ADGRB3: variants seen among roughly 807,000 people sequenced by gnomAD.
The protein encoded by ADGRB3 is adhesion G protein-coupled receptor B3, also known as brain-specific angiogenesis inhibitor 3.
Under a neutral mutation model 193.4 loss-of-function variants are expected in ADGRB3, and 37 were observed. The observed-to-expected ratio is 0.19, with a 90% CI of 0.15 to 0.25. The LOEUF (loss-of-function observed/expected upper bound fraction) is 0.25, where lower values mean the gene tolerates loss of function less well. Ranked by LOEUF, ADGRB3 falls within the 10% of genes least tolerant of loss-of-function variation. The pLI is 1.00. For synonymous variants in ADGRB3, 690 were observed against 644.2 expected (o/e 1.07, Z -1.08); for missense variants, 1,637 against 1,852.9 (o/e 0.88, Z 2.14).
chr6:68,960,796 C>G (rs111303203), intron 8 of ADGRB3, among the ~76,000 whole-genome samples: 7 of 152,174 alleles, frequency 4.6e-5, no homozygotes, highest in South Asian at 2.1e-4. Flanking sequence ...TGAGCCAGAC[C>G]CCACCAGCCA....
At chr6:69,340,978 G>T (rs1461384198) in intron 26 of ADGRB3, among the ~76,000 whole-genome samples, 4 of 152,178 alleles carry the variant, frequency 2.6e-5, no homozygotes, top group Non-Finnish European at 5.9e-5. Flanking sequence ...GCATTCCATG[G>T]TGTATATGTG....
chr6:68,776,289 A>G (rs1766745472), intron 3 of ADGRB3, among the ~76,000 whole-genome samples: 3 of 152,174 alleles, frequency 2.0e-5, no homozygotes, highest in Admixed American at 2.0e-4. Context: ...ATATTAAAAG[A>G]AATCCTTGCA....
intron 17 of ADGRB3, among the ~76,000 whole-genome samples, chr6:69,170,770 G>C (rs1354349743): frequency 2.0e-5 from 3 of 152,150 alleles, no homozygotes; most frequent in Non-Finnish European, 4.4e-5. Flanking sequence ...GATGGCATTG[G>C]AGCAAGAGCT....
At chr6:68,956,271 G>A in intron 7 of ADGRB3, 83 bp downstream of exon 7, 1 of 1,367,888 alleles carries the variant, frequency 7.3e-7, no homozygotes, top group South Asian at 1.5e-5. Flanking sequence ...ATGCCAGAGG[G>A]TCATGAAAGA....
intron 10 of ADGRB3, among the ~76,000 whole-genome samples, chr6:68,986,341 G>T (rs1769071476): frequency 6.6e-6 from 1 of 152,120 alleles, no homozygotes; most frequent in African/African-American, 2.4e-5. Flanking sequence ...ACCATTCTGA[G>T]TTCTATGTGA....
At chr6:69,229,669 A>G (rs1309760105) in intron 17 of ADGRB3, among the ~76,000 whole-genome samples, 1 of 152,170 alleles carries the variant, frequency 6.6e-6, no homozygotes, top group Non-Finnish European at 1.5e-5. Flanking sequence ...CAGTTTTGAA[A>G]TGTGTCACTA....
intron 3 of ADGRB3, among the ~76,000 whole-genome samples, chr6:68,889,603 C>T (rs913206400): frequency 1.3e-5 from 2 of 151,704 alleles, no homozygotes; most frequent in African/African-American, 4.8e-5. Context: ...CCTGGGTTCA[C>T]ACCATTCTCC....
chr6:68,768,817 T>C (rs573889546), intron 3 of ADGRB3, among the ~76,000 whole-genome samples: 1 of 151,484 alleles, frequency 6.6e-6, no homozygotes, highest in African/African-American at 2.4e-5. Context: ...ATGTCCAGAA[T>C]CTACAAGGAA....
intron 11 of ADGRB3, among the ~76,000 whole-genome samples, chr6:69,013,506 A>C (rs746502818): frequency 2.0e-5 from 3 of 152,086 alleles, no homozygotes; most frequent in Non-Finnish European, 4.4e-5. Context: ...AGAAACTTTT[A>C]TTTAATATTT....
chr6:69,017,080 A>G (rs978734382), intron 12 of ADGRB3, among the ~76,000 whole-genome samples: 2 of 151,906 alleles, frequency 1.3e-5, no homozygotes, highest in Non-Finnish European at 2.9e-5. Context: ...TTATCTCCCA[A>G]ATCTTTCTAA....
At chr6:69,142,049 A>G (rs1350142531) in intron 17 of ADGRB3, among the ~76,000 whole-genome samples, 1 of 152,242 alleles carries the variant, frequency 6.6e-6, no homozygotes, top group Non-Finnish European at 1.5e-5. Context: ...AAGATGAGCA[A>G]TCATTAACAA....
intron 17 of ADGRB3, among the ~76,000 whole-genome samples, chr6:69,081,068 CCTTGCCT>C (rs1313011252): frequency 1.3e-5 from 2 of 151,928 alleles, no homozygotes; most frequent in Admixed American, 6.6e-5. Context: ...ACACTTGTAA[CCTTGCCT>C]CAGTAGGTAT....
intron 3 of ADGRB3, among the ~76,000 whole-genome samples, chr6:68,661,873 T>C (rs367827586): frequency 4.0e-5 from 6 of 151,398 alleles, no homozygotes; most frequent in East Asian, 3.9e-4. Flanking sequence ...ATGAGGCTTC[T>C]GCAGTAATCC....
chr6:68,756,482 T>C (rs1242727759), intron 3 of ADGRB3, among the ~76,000 whole-genome samples: 1 of 152,160 alleles, frequency 6.6e-6, no homozygotes, highest in African/African-American at 2.4e-5. Context: ...TAAATCCAAA[T>C]GCATAGTATG....
At chr6:69,375,492 C>T (rs1769797018) in intron 30 of ADGRB3, among the ~76,000 whole-genome samples, 1 of 152,018 alleles carries the variant, frequency 6.6e-6, no homozygotes, top group African/African-American at 2.4e-5. Context: ...CTCTTCAGTT[C>T]TGAGCCTGAG....
At chr6:68,690,828 T>C (rs559363618) in intron 3 of ADGRB3, among the ~76,000 whole-genome samples, 3 of 152,292 alleles carry the variant, frequency 2.0e-5, no homozygotes, top group African/African-American at 7.2e-5. Context: ...TTTCATTTTA[T>C]GCCATGCTTT....
rs185201919 is a variant in ADGRB3, at chr6:69,124,411, G to A, written c.2480+48373G>A. Among the ~76,000 whole-genome samples, 229 of 152,142 alleles carry A rather than the reference G, an allele frequency of 1.5e-3. 1 individual carries two copies. Among genetic ancestry groups the A allele is most frequent in the African/African-American group, 5.2e-3 (217 of 41,500 alleles). ...TCTTTTTCTGCACTACAGACTATCTGAGTTAGAATTCTGTAGCGGCCAACT... is the reference window on the plus strand; with the variant it reads ...TCTTTTTCTGCACTACAGACTATCTAAGTTAGAATTCTGTAGCGGCCAACT... On this transcript the variant is annotated intron_variant, in intron 17 of 31. Coordinates refer to ENST00000370598, the MANE Select transcript of ADGRB3 (RefSeq NM_001704.3).
intron 11 of ADGRB3, among the ~76,000 whole-genome samples, chr6:69,002,573 C>G (rs1436103885): frequency 6.6e-6 from 1 of 152,160 alleles, no homozygotes; most frequent in Non-Finnish European, 1.5e-5. Flanking sequence ...CCATGGATTA[C>G]TCCCATGCTG....
rs1034436590 is a variant in ADGRB3, at chr6:69,388,625, G to A, written c.4381-78G>A. On this transcript the variant is annotated intron_variant, in intron 31 of 31. Transcript: ENST00000370598. The stretch of plus-strand genomic sequence containing the variant: ...GAAACTGGATTAAGATTACAAACAC[G>A]CTCTCTTCCTGGAAACTTCAACTAG... 1.6e-5 allele frequency: 22 copies of A among 1,340,498 alleles called. No homozygotes were observed. In the East Asian group the frequency reaches 1.7e-4, roughly 10 times the overall value. 83.0% of individuals were successfully genotyped at this position (1,340,498 alleles called of 1,614,324 possible). A position where few individuals can be genotyped will look rare whatever the true frequency, so the allele number is the denominator to read the frequency against.
Sources: allele counts gnomAD v4.1 joint callset (sites outside exome capture counted in the v4.1 genomes callset), GRCh38; gene constraint gnomAD v4.1.1; transcripts MANE v1.5; gene names NCBI Gene and HGNC (gene_info 2026-07-23, HGNC 2026-07-21).